Variants in ZNF644 observed in about 807,000 individuals in gnomAD.
The protein encoded by ZNF644 is zinc finger motif enhancer binding protein 2.
Under a neutral mutation model 108.0 loss-of-function variants are expected in ZNF644, and 20 were observed. That is an observed-to-expected ratio of 0.19 (90% CI 0.13 to 0.27). The LOEUF (loss-of-function observed/expected upper bound fraction) is 0.27, where lower values mean the gene tolerates loss of function less well. ZNF644 is among the 10% of genes least tolerant of loss of function. ZNF644 has a pLI of 1.00. For synonymous variants in ZNF644, 542 were observed against 539.1 expected, an observed-to-expected ratio of 1.01 and a Z score of -0.08; for missense variants, 1,338 against 1,548.9, an observed-to-expected ratio of 0.86 and a Z score of 2.29.
chr1:90,932,714 C>G (rs1433504592), intron 4 of ZNF644, among the ~76,000 whole-genome samples: 1 of 151,934 alleles, frequency 6.6e-6, no homozygotes, highest in Non-Finnish European at 1.5e-5. Context: ...AAAAAAACTT[C>G]TTAGTTGGCA....
chr1:91,017,792 T>C (rs139116101), intron 1 of ZNF644, among the ~76,000 whole-genome samples: 1,697 of 151,884 alleles, frequency 0.011, 14 homozygotes, highest in South Asian at 0.021. Flanking sequence ...TGAAACCCCA[T>C]CTCTACTAAA....
chr1:90,970,786 G>A (rs1254063190), intron 2 of ZNF644, among the ~76,000 whole-genome samples: 1 of 152,010 alleles, frequency 6.6e-6, no homozygotes, highest in African/African-American at 2.4e-5. Flanking sequence ...CAGATCACAA[G>A]GTCAAGAGAT....
intron 1 of ZNF644, among the ~76,000 whole-genome samples, chr1:91,013,885 T>C (rs556485431): frequency 1.3e-5 from 2 of 152,254 alleles, no homozygotes; most frequent in Non-Finnish European, 2.9e-5. Flanking sequence ...AGTATTTAGA[T>C]ACTGGGTTAA....
At chr1:90,975,391 C>T (rs1285148080) in intron 2 of ZNF644, among the ~76,000 whole-genome samples, 12 of 151,540 alleles carry the variant, frequency 7.9e-5, no homozygotes, top group Non-Finnish European at 1.6e-4. Context: ...ACTGAGCCCA[C>T]GGGCTTCAGC....
chr1:90,937,763 A>G lies in ZNF644; in HGVS notation c.3410T>C (p.Leu1137Pro). 6.2e-7 allele frequency: 1 copy of G among 1,613,938 alleles called. No individual in the cohort carries two copies. The highest frequency in any genetic ancestry group is 1.1e-5 in the South Asian group (1 of 91,084). Residue 1137 changes from leucine to proline, a missense_variant, in exon 4 of 6, where the codon CTG becomes CCG. This residue lies in a region of ZNF644 where 287 missense variants were observed against 310.9 expected (regional missense o/e 0.92). Coordinates refer to ENST00000337393, the MANE Select transcript of ZNF644 (RefSeq NM_201269.3). Reference sequence around the variant, plus strand: ...TTCTTCTTCTGATGCAGACACTGACAGAGCTTCAGTCTTTAGGCCATTACG... The same window carrying G: ...TTCTTCTTCTGATGCAGACACTGACGGAGCTTCAGTCTTTAGGCCATTACG... Reference protein sequence around the residue: ...AYRNGLKTEALSVSASEEEGL... With the variant: ...AYRNGLKTEAPSVSASEEEGL...
chr1:90,927,902 A>G (rs150074686), intron 4 of ZNF644, among the ~76,000 whole-genome samples: 1,918 of 148,002 alleles, frequency 0.013, 38 homozygotes, highest in African/African-American at 0.045. Context: ...GGAGTGCAAC[A>G]GCATGATCTC....
At chr1:91,019,405 T>C (rs1416985803) in intron 1 of ZNF644, among the ~76,000 whole-genome samples, 1 of 152,246 alleles carries the variant, frequency 6.6e-6, no homozygotes, top group Middle Eastern at 3.2e-3. Flanking sequence ...AGTCCCTGGT[T>C]GTTGTTTTTT....
intron 2 of ZNF644, among the ~76,000 whole-genome samples, chr1:90,975,470 C>T (rs1655902866): frequency 1.3e-5 from 2 of 148,470 alleles, no homozygotes; most frequent in Non-Finnish European, 3.0e-5. Context: ...CAGAGTCTCG[C>T]TCTGTCTCCC....
intron 2 of ZNF644, among the ~76,000 whole-genome samples, chr1:90,955,349 C>T (rs1352995964): frequency 6.6e-6 from 1 of 152,152 alleles, no homozygotes; most frequent in African/African-American, 2.4e-5. Context: ...CAAGAGGGTC[C>T]GCCTGTCTCT....
chr1:90,972,657 T>C (rs1371965560), intron 2 of ZNF644: 2 of 151,342 alleles, frequency 1.3e-5, no homozygotes, highest in African/African-American at 4.9e-5. Context: ...GAAGAGATAT[T>C]TGTACACCCA....
chr1:91,018,077 C>A (rs542273567), intron 1 of ZNF644, among the ~76,000 whole-genome samples: 9 of 152,302 alleles, frequency 5.9e-5, no homozygotes, highest in African/African-American at 1.7e-4. Flanking sequence ...ACACCTTTTT[C>A]ATGGGAACTT....
At chr1:90,929,265 A>T (rs1171687026) in intron 4 of ZNF644, among the ~76,000 whole-genome samples, 1 of 152,254 alleles carries the variant, frequency 6.6e-6, no homozygotes, top group Admixed American at 6.5e-5. Context: ...ACTTAAAGCC[A>T]ATATGCCATT....
Position 90,940,577 on chromosome 1 carries a change from C to A in ZNF644, c.777G>T (p.Trp259Cys), listed in dbSNP as rs1333969796. The change falls in exon 3 of 6, where the codon TGG becomes TGT. Residue 259 changes from tryptophan to cysteine, a missense_variant. Trp to Cys is a radical substitution (Grantham distance 215). Coordinates refer to ENST00000337393, the MANE Select transcript of ZNF644 (RefSeq NM_201269.3). The part of the protein sequence containing the change: ...DGFRSENDTN[W>C]DPQKEFIQFL... ...ATTGAATGAACTCTTTTTGGGGATCCCAGTTTGTATCATTTTCTGACCTAA... is the reference window on the plus strand; with the variant it reads ...ATTGAATGAACTCTTTTTGGGGATCACAGTTTGTATCATTTTCTGACCTAA... 6.2e-7 allele frequency: 1 copy of A among 1,613,526 alleles called. No individual in the cohort carries two copies. The highest frequency in any genetic ancestry group is 1.3e-5 in the African/African-American group (1 of 74,756).
intron 1 of ZNF644, among the ~76,000 whole-genome samples, chr1:91,001,231 A>G (rs1658750870): frequency 6.6e-6 from 1 of 152,178 alleles, no homozygotes; most frequent in Non-Finnish European, 1.5e-5. Context: ...AGACACAACA[A>G]AAAAAGAGAA....
intron 1 of ZNF644, among the ~76,000 whole-genome samples, chr1:90,991,563 G>A (rs1409009460): frequency 6.6e-6 from 1 of 152,182 alleles, no homozygotes; most frequent in African/African-American, 2.4e-5. Context: ...CAGTTCCGCA[G>A]GCTGTACAGA....
Position 91,009,035 on chromosome 1 carries a change from A to G in ZNF644, c.-18+12955T>C, listed in dbSNP as rs574175071. 4.6e-5 allele frequency among the ~76,000 whole-genome samples: 7 copies of G among 152,264 alleles called. No individual in the cohort carries two copies. In the East Asian group the frequency reaches 1.2e-3, roughly 25 times the overall value. On this transcript the variant is annotated intron_variant, in intron 1 of 5. Coordinates refer to ENST00000337393, the MANE Select transcript of ZNF644 (RefSeq NM_201269.3). ...GACTGCTTGAGCCCAAGAGTTCAAG[A>G]CCAGCCTGGGCAACAAAGTGCGACC...
intron 1 of ZNF644, among the ~76,000 whole-genome samples, chr1:90,999,962 G>A (rs1482808539): frequency 6.6e-6 from 1 of 152,168 alleles, no homozygotes; most frequent in Non-Finnish European, 1.5e-5. Flanking sequence ...TAATGGTAAA[G>A]GGATCAATTT....
chr1:90,997,817 C>T (rs184954470), intron 1 of ZNF644, among the ~76,000 whole-genome samples: 133 of 152,294 alleles, frequency 8.7e-4, no homozygotes, highest in Admixed American at 7.3e-3. Context: ...CTGTGACAGA[C>T]GGCATCTGGA....
chr1:90,941,335 G>C, intron 2 of ZNF644, 26 bp from the exon 3 acceptor site: 2 of 1,584,616 alleles, frequency 1.3e-6, no homozygotes, highest in Non-Finnish European at 1.7e-6. Flanking sequence ...AAAAAATTTA[G>C]ATTTGCATGA....
Sources: gnomAD v4.1 joint callset for allele counts (sites outside exome capture counted in the v4.1 genomes callset) on GRCh38, gnomAD v4.1.1 for gene constraint, gnomAD v4.1.1 regional missense constraint, MANE v1.5 for transcripts, NCBI Gene and HGNC (gene_info 2026-07-23, HGNC 2026-07-21) for gene names.